The following CTTNBP2 variants were observed in gnomAD, a reference collection of about 807,000 sequenced individuals.
CTTNBP2 encodes the protein cortactin-binding protein 2.
CTTNBP2 carries 108 observed loss-of-function variants against 156.9 expected under a neutral mutation model. That is an observed-to-expected ratio of 0.69 (90% CI 0.59 to 0.81). The LOEUF (loss-of-function observed/expected upper bound fraction) is 0.81. Among genes scored for constraint, CTTNBP2 ranks in the 30% least tolerant of loss-of-function variants. The pLI is 0.00. For missense variants in CTTNBP2, 1,924 were observed against 2,035.4 expected (o/e 0.95, Z 1.05); for synonymous variants, 767 against 751.8 (o/e 1.02, Z -0.33).
chr7:117,757,074 TCCC>T (rs1022551354), intron 11 of CTTNBP2, among the ~76,000 whole-genome samples: 1 of 152,044 alleles, frequency 6.6e-6, no homozygotes, highest in African/African-American at 2.4e-5. Context: ...TCGCCACCCC[TCCC>T]CCCAAGTTCT....
At chr7:117,728,056 A>C in intron 17 of CTTNBP2, 33 bp downstream of exon 17, 1 of 1,594,736 alleles carries the variant, frequency 6.3e-7, no homozygotes, top group South Asian at 1.1e-5. Flanking sequence ...CGTCTCTATC[A>C]TAAGCAGAAA....
Position 117,719,635 on chromosome 7 carries a change from A to C in CTTNBP2, c.4513T>G (p.Ser1505Ala). ...NRNASLSKQK[S>A]LENDLSLTLN... Reference sequence around the variant, plus strand: ...GTCAGTGATAGATCATTCTCTAAAGACCTAACACAAAGTTCAGAAAAACGT... The same window carrying C: ...GTCAGTGATAGATCATTCTCTAAAGCCCTAACACAAAGTTCAGAAAAACGT... Residue 1505 changes from serine (S) to alanine (A), a missense_variant and splice_region_variant, in exon 21 of 23, where the codon TCT (serine) becomes GCT (alanine). Transcript: ENST00000160373. The C allele has an allele frequency of 2.5e-6, 4 of 1,609,404 alleles. No homozygotes were observed. The highest frequency in any genetic ancestry group is 3.4e-6 in the Non-Finnish European group (4 of 1,177,570).
At chr7:117,812,788 T>C (rs957630501) in intron 2 of CTTNBP2, among the ~76,000 whole-genome samples, 5 of 152,230 alleles carry the variant, frequency 3.3e-5, no homozygotes, top group African/African-American at 1.2e-4. Flanking sequence ...CTCCCACCCT[T>C]GGATTAACAC....
intron 1 of CTTNBP2, among the ~76,000 whole-genome samples, chr7:117,869,279 C>G (rs1490374764): frequency 6.6e-6 from 1 of 152,150 alleles, no homozygotes; most frequent in Non-Finnish European, 1.5e-5. Flanking sequence ...TTAATTATTA[C>G]AAGTCACAGG....
intron 1 of CTTNBP2, chr7:117,871,790 A>T (rs549916559): frequency 1.0e-4 from 26 of 248,760 alleles, no homozygotes; most frequent in Non-Finnish European, 1.0e-4. Context: ...AACAAGAAAC[A>T]CACCACACAC....
At chr7:117,810,044 C>T (rs75656392) in intron 3 of CTTNBP2, among the ~76,000 whole-genome samples, 3,212 of 152,170 alleles carry the variant, frequency 0.021, 52 homozygotes, top group Non-Finnish European at 0.032. Context: ...CTTATTATCA[C>T]CACAAGTTTT....
intron 2 of CTTNBP2, among the ~76,000 whole-genome samples, chr7:117,815,043 CAT>C: frequency 6.6e-6 from 1 of 152,298 alleles, no homozygotes; most frequent in Middle Eastern, 3.4e-3. Flanking sequence ...ATCCTAAACT[CAT>C]ATTTATTATT....
At chr7:117,719,717 G>T in intron 20 of CTTNBP2, 81 bp from the exon 21 acceptor site, 1 of 1,212,568 alleles carries the variant, frequency 8.2e-7, no homozygotes, top group Non-Finnish European at 1.2e-6. Context: ...CCTTTTTTGG[G>T]ATTTGGTGTG....
rs574156227 is a variant in CTTNBP2, at chr7:117,855,709, T to C, written c.189+5500A>G. On this transcript the variant is annotated intron_variant, in intron 2 of 22. Transcript: ENST00000160373. ...TTACTTAAGAGCTTTACATTTTATT[T>C]TTAATTTTGAACCCAATGAACAGTC... is the stretch of plus-strand genomic sequence containing the variant. Among the ~76,000 whole-genome samples the C allele has an allele frequency of 6.8e-4, 104 of 152,348 alleles. 1 individual carries two copies. The highest frequency in any genetic ancestry group is 1.3e-3 in the Non-Finnish European group (86 of 68,032).
chr7:117,866,583 T>C (rs1295679729), intron 1 of CTTNBP2, among the ~76,000 whole-genome samples: 1 of 151,992 alleles, frequency 6.6e-6, no homozygotes, highest in African/African-American at 2.4e-5. Flanking sequence ...GACTGGAAGG[T>C]GGGGTGATGA....
At chr7:117,760,352 G>T (rs35815704) in intron 10 of CTTNBP2, 83 bp downstream of exon 10, 22,104 of 1,361,896 alleles carry the variant, frequency 0.016, 237 homozygotes, top group Non-Finnish European at 0.019. Context: ...CTTAATCAAT[G>T]AACTAAGAAT....
At chr7:117,754,385 A>G (rs1407481913) in intron 12 of CTTNBP2, among the ~76,000 whole-genome samples, 1 of 152,102 alleles carries the variant, frequency 6.6e-6, no homozygotes, top group Non-Finnish European at 1.5e-5. Flanking sequence ...TATTCATTTG[A>G]TATTTTTTAA....
At chr7:117,793,966 C>T (rs1254684620) in intron 3 of CTTNBP2, among the ~76,000 whole-genome samples, 2 of 152,294 alleles carry the variant, frequency 1.3e-5, no homozygotes, top group East Asian at 3.9e-4. Context: ...AACTCCCACC[C>T]TTGTGTTTAT....
chr7:117,810,748 TTTG>T lies in CTTNBP2; in HGVS notation c.414+14_414+16del. ...CACCATGTTGTGGGGAAAATGACCA[TTTG>T]AACGCCTCAATACCTTCTTTTGTCT... On this transcript the variant is annotated intron_variant, in intron 3 of 22. Transcript: ENST00000160373. 6.2e-7 allele frequency: 1 copy of T among 1,605,700 alleles called. No individual in the cohort carries two copies.
chr7:117,737,321 C>G (rs1297004851), intron 14 of CTTNBP2, among the ~76,000 whole-genome samples: 3 of 152,128 alleles, frequency 2.0e-5, no homozygotes, highest in South Asian at 4.1e-4. Flanking sequence ...AAAAAACACA[C>G]AGGATTGATG....
At chr7:117,775,584 C>CTTT (rs35808637) in intron 8 of CTTNBP2, among the ~76,000 whole-genome samples, 3 of 138,442 alleles carry the variant, frequency 2.2e-5, no homozygotes, top group Non-Finnish European at 4.7e-5. Flanking sequence ...TTTGTTTTTC[C>CTTT]TTTTTTTTTT....
chr7:117,745,973 A>G (rs1796310067), intron 13 of CTTNBP2, 40 bp downstream of exon 13: 1 of 1,611,562 alleles, frequency 6.2e-7, no homozygotes, highest in South Asian at 1.1e-5. Flanking sequence ...GCACTTGCCA[A>G]TTTTCAAAGA....
chr7:117,784,323 C>G lies in CTTNBP2; in HGVS notation c.2200G>C (p.Gly734Arg). The G allele has an allele frequency of 1.2e-6, 2 of 1,613,934 alleles. No individual in the cohort carries two copies. Among genetic ancestry groups the G allele is most frequent in the Admixed American group, 3.3e-5 (2 of 59,938 alleles). ...TLLSMLLNEE[G>R]LDINYSCEDG... is the part of the protein sequence containing the mutation. ...TCACAGGAGTAATTAATGTCCAGTC[C>G]TTCTTCATTAAGCAGCATTGATAAT... Residue 734 changes from glycine to arginine, a missense_variant, in exon 5 of 23, where the codon GGA becomes CGA. By Grantham distance (125) the Gly-to-Arg change is moderately radical. Coordinates refer to ENST00000160373, the MANE Select transcript of CTTNBP2 (RefSeq NM_033427.3).
intron 8 of CTTNBP2, among the ~76,000 whole-genome samples, chr7:117,767,828 G>A (rs35596763): frequency 0.076 from 11,524 of 152,076 alleles, 592 homozygotes; most frequent in Middle Eastern, 0.14. Context: ...GTAGAACTAC[G>A]AACTGAAAAG....
Sources: gnomAD v4.1 joint callset for allele counts (sites outside exome capture counted in the v4.1 genomes callset) on GRCh38, gnomAD v4.1.1 for gene constraint, MANE v1.5 for transcripts, NCBI Gene and HGNC (gene_info 2026-07-23, HGNC 2026-07-21) for gene names.